Variants in RAB27B observed in about 807,000 individuals in gnomAD.
RAB27B encodes the protein ras-related protein Rab-27B.
RAB27B carries 15 observed loss-of-function variants against 24.6 expected under a neutral mutation model. The ratio of observed to expected loss-of-function variants is 0.61; its 90% confidence interval spans 0.41 to 0.94. The LOEUF is 0.94. Among genes scored for constraint, RAB27B ranks in the 40% least tolerant of loss-of-function variants. RAB27B has a pLI of 0.00. For synonymous variants in RAB27B, 105 were observed against 92.5 expected (o/e 1.14, Z -0.78); for missense variants, 261 against 266.8 (o/e 0.98, Z 0.15).
At chr18:54,820,634 G>A (rs1398258775) in intron 2 of RAB27B, among the ~76,000 whole-genome samples, 4 of 152,056 alleles carry the variant, frequency 2.6e-5, no homozygotes, top group Non-Finnish European at 5.9e-5. Context: ...GATCCCATTT[G>A]TCAATTTTGG....
intron 2 of RAB27B, among the ~76,000 whole-genome samples, chr18:54,752,669 G>A (rs1454758904): frequency 6.6e-6 from 1 of 152,176 alleles, no homozygotes; most frequent in Non-Finnish European, 1.5e-5. Context: ...ATTGACTGGA[G>A]CAGTAGGCAG....
intron 2 of RAB27B, among the ~76,000 whole-genome samples, chr18:54,807,057 C>T (rs561213861): frequency 6.6e-6 from 1 of 152,236 alleles, no homozygotes; most frequent in Admixed American, 6.5e-5. Context: ...CACGCCACCA[C>T]ACTCAGCTAA....
intron 1 of RAB27B, among the ~76,000 whole-genome samples, chr18:54,843,566 A>G (rs1437002863): frequency 6.6e-6 from 1 of 152,206 alleles, no homozygotes; most frequent in East Asian, 1.9e-4. Flanking sequence ...ACATCTGCTG[A>G]TCAATCAAAA....
chr18:54,761,797 G>A (rs866101523), intron 2 of RAB27B, among the ~76,000 whole-genome samples: 23 of 152,288 alleles, frequency 1.5e-4, no homozygotes, highest in African/African-American at 3.8e-4. Context: ...TATCTGAATG[G>A]CCTCTTAACT....
At chr18:54,749,764 G>T (rs2145029297) in intron 2 of RAB27B, among the ~76,000 whole-genome samples, 1 of 152,232 alleles carries the variant, frequency 6.6e-6, no homozygotes. Flanking sequence ...AGGAAGAAAG[G>T]AATAACATTT....
At chr18:54,877,778 C>T in intron 2 of RAB27B, 40 bp downstream of exon 2, 2 of 1,516,314 alleles carry the variant, frequency 1.3e-6, no homozygotes, top group African/African-American at 1.5e-5. Flanking sequence ...TCACTCATCC[C>T]CCTATATAAA....
chr18:54,797,103 A>T (rs1473736906), intron 2 of RAB27B, among the ~76,000 whole-genome samples: 1 of 152,222 alleles, frequency 6.6e-6, no homozygotes, highest in Non-Finnish European at 1.5e-5. Context: ...GTCCTGTGTA[A>T]GTGGGTGCAA....
At chr18:54,863,683 C>A (rs563035025) in intron 1 of RAB27B, among the ~76,000 whole-genome samples, 6 of 152,298 alleles carry the variant, frequency 3.9e-5, no homozygotes, top group African/African-American at 1.4e-4. Context: ...CCTCCTCTCA[C>A]CAGCCGCTGG....
chr18:54,725,834 G>A (rs1909521188), intron 2 of RAB27B, among the ~76,000 whole-genome samples: 1 of 151,566 alleles, frequency 6.6e-6, no homozygotes, highest in Admixed American at 6.6e-5. Flanking sequence ...TGAGATTTGG[G>A]TGGGGACACA....
chr18:54,779,680 TG>T (rs1362890312), intron 2 of RAB27B, among the ~76,000 whole-genome samples: 11 of 152,264 alleles, frequency 7.2e-5, no homozygotes, highest in Non-Finnish European at 1.3e-4. Context: ...TCAGCATCAA[TG>T]GGAATTTGTT....
intron 2 of RAB27B, among the ~76,000 whole-genome samples, chr18:54,794,115 T>C (rs1909338927): frequency 6.6e-6 from 1 of 152,208 alleles, no homozygotes; most frequent in Non-Finnish European, 1.5e-5. Flanking sequence ...TTTGACAAAA[T>C]ACTTAAATTT....
At chr18:54,759,535 T>C (rs1908113753) in intron 2 of RAB27B, among the ~76,000 whole-genome samples, 1 of 152,188 alleles carries the variant, frequency 6.6e-6, no homozygotes, top group African/African-American at 2.4e-5. Context: ...AGCTCTGTGA[T>C]ACCGACAGAA....
chr18:54,869,764 A>G (rs1433350441), intron 1 of RAB27B, among the ~76,000 whole-genome samples: 1 of 152,350 alleles, frequency 6.6e-6, no homozygotes, highest in East Asian at 1.9e-4. Context: ...GTTCAAATAT[A>G]TAGAATTAGA....
chr18:54,837,318 G>A (rs927943120), intron 1 of RAB27B, among the ~76,000 whole-genome samples: 2 of 152,120 alleles, frequency 1.3e-5, no homozygotes, highest in African/African-American at 2.4e-5. Flanking sequence ...AATAATTAGC[G>A]AGGGTGGGCA....
intron 1 of RAB27B, among the ~76,000 whole-genome samples, chr18:54,860,364 T>A (rs1193703747): frequency 6.6e-6 from 1 of 152,130 alleles, no homozygotes; most frequent in African/African-American, 2.4e-5. Context: ...CACGGCCCCC[T>A]AAAGCTTCTG....
At chr18:54,773,604 G>T (rs1257777731) in intron 2 of RAB27B, among the ~76,000 whole-genome samples, 2 of 152,092 alleles carry the variant, frequency 1.3e-5, no homozygotes, top group Admixed American at 6.5e-5. Flanking sequence ...GAATAAGAAG[G>T]ATTCTTTGCC....
intron 1 of RAB27B, among the ~76,000 whole-genome samples, chr18:54,834,949 A>G (rs115239554): frequency 0.014 from 2,089 of 151,976 alleles, 82 homozygotes; most frequent in African/African-American, 0.048. Context: ...GACCTGAGGG[A>G]TATACCAGAA....
intron 2 of RAB27B, among the ~76,000 whole-genome samples, chr18:54,737,753 T>A (rs1909942336): frequency 6.6e-6 from 1 of 152,154 alleles, no homozygotes; most frequent in South Asian, 2.1e-4. Context: ...AATAAATGAA[T>A]TTTTCACTTC....
rs869256244 is a variant in RAB27B, at chr18:54,799,614, A to ATTTTT, written c.-19-77923_-19-77919dup. ...AAATATCAGAATATATAATAAAATGATTTTTTTTTTTTTTTTTTTTTTTTT... is the reference window on the plus strand; with the variant it reads ...AAATATCAGAATATATAATAAAATGATTTTTTTTTTTTTTTTTTTTTTTTTTTTTT... On this transcript the variant is annotated intron_variant, in intron 2 of 4. Coordinates refer to the RAB27B transcript ENST00000586570. Among the ~76,000 whole-genome samples the ATTTTT allele has an allele frequency of 5.6e-3, 377 of 67,558 alleles. 26 individuals are homozygous for ATTTTT. Among genetic ancestry groups the ATTTTT allele is most frequent in the African/African-American group, 0.022 (365 of 16,594 alleles). 44.3% of individuals were successfully genotyped at this position (67,558 alleles called of 152,430 possible). A position where few individuals can be genotyped will look rare whatever the true frequency, so the allele number is the denominator to read the frequency against.
Sources: allele counts gnomAD v4.1 joint callset (sites outside exome capture counted in the v4.1 genomes callset), GRCh38; gene constraint gnomAD v4.1.1; transcripts MANE v1.5; gene names NCBI Gene and HGNC (gene_info 2026-07-23, HGNC 2026-07-21).